KBTBD2: variants seen among roughly 807,000 people sequenced by gnomAD.
KBTBD2 encodes kelch repeat and BTB domain-containing protein 2.
KBTBD2 carries 17 observed loss-of-function variants against 57.1 expected under a neutral mutation model. The observed-to-expected ratio is 0.30, with a 90% confidence interval of 0.20 to 0.45. The LOEUF (loss-of-function observed/expected upper bound fraction) is 0.45. Among genes scored for constraint, KBTBD2 ranks in the 20% least tolerant of loss-of-function variants. The pLI is 1.00. For missense variants in KBTBD2, 515 were observed against 750.6 expected (o/e 0.69, Z 3.67); for synonymous variants, 267 against 262.7 (o/e 1.02, Z -0.16).
rs369016799 is a variant in KBTBD2 at position 32,875,115 on chromosome 7, A to C, written c.213T>G (p.His71Gln). The C allele has an allele frequency of 2.0e-5, 33 of 1,614,090 alleles. No homozygotes were observed. Among genetic ancestry groups the C allele is most frequent in the African/African-American group, 2.7e-5 (2 of 74,928 alleles). ...MSGLSESKQT[H>Q]VHLRNVDAAT... ...CAGCATCGACATTCCTCAGGTGTACATGGGTTTGTTTGCTTTCACTTAGTC... is the reference window on the plus strand; with the variant it reads ...CAGCATCGACATTCCTCAGGTGTACCTGGGTTTGTTTGCTTTCACTTAGTC... Residue 71 changes from histidine (H) to glutamine (Q), a missense_variant, in exon 3 of 4, where the codon CAT becomes CAG. By Grantham distance (24) the His-to-Gln change is conservative. Transcript: ENST00000304056.
intron 1 of KBTBD2, among the ~76,000 whole-genome samples, chr7:32,886,225 T>C (rs539459692): frequency 6.6e-6 from 1 of 152,292 alleles, no homozygotes; most frequent in African/African-American, 2.4e-5. Context: ...CCACTGACTT[T>C]CTACGAATTA....
intron 1 of KBTBD2, among the ~76,000 whole-genome samples, chr7:32,885,511 G>A (rs866089102): frequency 1.4e-5 from 2 of 146,794 alleles, no homozygotes; most frequent in Non-Finnish European, 3.0e-5. Flanking sequence ...AAGATAACCT[G>A]CCAAAAAAAA....
chr7:32,873,762 A>G (rs1784239356), intron 3 of KBTBD2, among the ~76,000 whole-genome samples: 1 of 152,156 alleles, frequency 6.6e-6, no homozygotes, highest in African/African-American at 2.4e-5. Flanking sequence ...ACTTGAAATC[A>G]AAATTCTCAG....
intron 3 of KBTBD2, among the ~76,000 whole-genome samples, chr7:32,873,817 C>A (rs1410554318): frequency 1.3e-5 from 2 of 152,174 alleles, no homozygotes; most frequent in Non-Finnish European, 2.9e-5. Context: ...AAAATTTTCA[C>A]CTATCTCTTT....
In KBTBD2 at chr7:32,879,733, T is replaced by G. The variant is rs1177365134; in HGVS notation, c.-129A>C. The G allele has an allele frequency of 1.5e-6, 1 of 688,272 alleles. No homozygotes were observed. Among genetic ancestry groups the G allele is most frequent in the African/African-American group, 1.8e-5 (1 of 55,122 alleles). 42.6% of individuals were successfully genotyped at this position (688,272 alleles called of 1,614,324 possible). A position where few individuals can be genotyped will look rare whatever the true frequency, so the allele number is the denominator to read the frequency against. ...TATCTGCAGCATTCAGTACCAAGAC[T>G]GACACATTCACTAATGAGTAATATC... On this transcript the variant is annotated 5_prime_UTR_variant, in exon 2 of 4. Transcript: ENST00000304056.
intron 3 of KBTBD2, 74 bp from the exon 4 acceptor site, chr7:32,870,954 A>G: frequency 2.3e-6 from 2 of 853,860 alleles, no homozygotes; most frequent in East Asian, 5.3e-5. Flanking sequence ...GTAAGACGTA[A>G]GTATATTAAT....
rs1283024793 is a variant in KBTBD2, at chr7:32,869,986, T to A, written c.1231A>T (p.Met411Leu). 2.5e-6 allele frequency: 4 copies of A among 1,614,060 alleles called. No individual in the cohort carries two copies. The highest frequency in any genetic ancestry group is 2.7e-5 in the African/African-American group (2 of 74,932). The change falls in exon 4 of 4, where the codon ATG becomes TTG. Residue 411 changes from methionine to leucine, a missense_variant. Coordinates refer to ENST00000304056, the MANE Select transcript of KBTBD2 (RefSeq NM_015483.3). ...RYDTEKDEWT[M>L]VSPLPCAWQW... ...CAAGCACAAGGTAAAGGGCTTACCATCGTCCACTCATCTTTCTCAGTGTCG... is the reference window on the plus strand; with the variant it reads ...CAAGCACAAGGTAAAGGGCTTACCAACGTCCACTCATCTTTCTCAGTGTCG...
At position 32,882,922 on chromosome 7, in the gene KBTBD2, T is replaced by C. The variant is rs1583786879; in HGVS notation, c.-338-2980A>G. Among the ~76,000 whole-genome samples, 4 of 151,898 alleles carry C rather than the reference T, an allele frequency of 2.6e-5. No homozygotes were observed. The South Asian group carries it at 8.3e-4, about 32-fold the overall frequency. On this transcript the variant is annotated intron_variant, in intron 1 of 3. Transcript: ENST00000304056. ...ATCACCTGAACCTGGCAGACGGAGG[T>C]TGCAGTGAGCCGAGATCGTGCCACT... is the stretch of plus-strand genomic sequence containing the variant.
Position 32,879,826 on chromosome 7 carries a change from CACAG to C in KBTBD2, c.-226_-223del, listed in dbSNP as rs1314570566. 2 of 451,672 alleles carry C rather than the reference CACAG, an allele frequency of 4.4e-6. No individual in the cohort carries two copies. Among genetic ancestry groups the C allele is most frequent in the Admixed American group, 8.7e-5 (2 of 22,976 alleles). The allele number at this position is 451,672 out of a possible 1,614,324, so 28.0% of individuals were successfully genotyped here. On this transcript the variant is annotated 5_prime_UTR_variant, in exon 2 of 4. The change abolishes the stop of an existing upstream ORF in the 5' untranslated region. Transcript: ENST00000304056. ...AATTAGGTTCTTCAGAGTTTTTCAA[CACAG>C]TCTGCAGACATTGTGCTCAAATCTG...
chr7:32,886,363 G>C (rs1194258914), intron 1 of KBTBD2, among the ~76,000 whole-genome samples: 3 of 152,198 alleles, frequency 2.0e-5, no homozygotes, highest in Non-Finnish European at 4.4e-5. Flanking sequence ...CCGAGGTTCT[G>C]AGTGAATTCC....
intron 1 of KBTBD2, among the ~76,000 whole-genome samples, chr7:32,888,610 A>G (rs780989222): frequency 6.6e-6 from 1 of 151,906 alleles, no homozygotes; most frequent in Non-Finnish European, 1.5e-5. Flanking sequence ...GAATCTATCA[A>G]GTTTTAAAAA....
chr7:32,883,418 CAA>C (rs1784491500), intron 1 of KBTBD2, among the ~76,000 whole-genome samples: 1 of 152,044 alleles, frequency 6.6e-6, no homozygotes, highest in South Asian at 2.1e-4. Flanking sequence ...TGAAAATTTG[CAA>C]AGTTTAGGAC....
At chr7:32,877,710 A>G (rs1467220763) in intron 2 of KBTBD2, among the ~76,000 whole-genome samples, 1 of 152,176 alleles carries the variant, frequency 6.6e-6, no homozygotes, top group Non-Finnish European at 1.5e-5. Flanking sequence ...TTCAACCCCA[A>G]ACACATATTG....
At position 32,875,068 on chromosome 7, in the gene KBTBD2, G is replaced by A; in HGVS notation, c.260C>T (p.Thr87Ile). 1 of 1,614,172 alleles carries A rather than the reference G, an allele frequency of 6.2e-7. No individual in the cohort carries two copies. The highest frequency in any genetic ancestry group is 8.5e-7 in the Non-Finnish European group (1 of 1,179,984). The stretch of plus-strand genomic sequence containing the variant: ...TGCCAAGTTACCCGTGTATGCATAA[G>A]TTATTATTATCTGTAAGGTGGCAGC... The part of the protein sequence containing the change: ...VDAATLQIII[T>I]YAYTGNLAMN... Residue 87 changes from threonine (T) to isoleucine (I), a missense_variant, in exon 3 of 4, where the codon ACT becomes ATT. Coordinates refer to ENST00000304056, the MANE Select transcript of KBTBD2 (RefSeq NM_015483.3).
Position 32,869,739 on chromosome 7 carries a change from T to C in KBTBD2, c.1478A>G (p.Asp493Gly), listed in dbSNP as rs1388561822. The change falls in exon 4 of 4, where the codon GAT (aspartate) becomes GGT (glycine). Residue 493 changes from aspartate (D) to glycine (G), a missense_variant. Physicochemically the swap from Asp to Gly is moderately conservative, Grantham distance 94. Transcript: ENST00000304056. ...AATTTCCACAGTTACTGAAGACCCATCTACAGTGCCAGAGGGGAGTCTTAT... is the reference window on the plus strand; with the variant it reads ...AATTTCCACAGTTACTGAAGACCCACCTACAGTGCCAGAGGGGAGTCTTAT... ...SGIRLPSGTV[D>G]GSSVTVEIYD... 3 of 1,614,054 alleles carry C rather than the reference T, an allele frequency of 1.9e-6. No homozygotes were observed. The highest frequency in any genetic ancestry group is 1.7e-5 in the Admixed American group (1 of 60,008).
rs1784156478 is a variant in KBTBD2 at position 32,870,804 on chromosome 7, C to T, written c.413G>A (p.Ser138Asn). The T allele has an allele frequency of 6.2e-7, 1 of 1,612,754 alleles. No homozygotes were observed. The highest frequency in any genetic ancestry group is 8.5e-7 in the Non-Finnish European group (1 of 1,179,738). ...INAENCVRLL[S>N]FADLFSCEEL... Reference sequence around the variant, plus strand: ...CTCACAACTGAAGAGATCAGCAAAACTCAACAATCGTACACAATTCTCTGC... The same window carrying T: ...CTCACAACTGAAGAGATCAGCAAAATTCAACAATCGTACACAATTCTCTGC... The change falls in exon 4 of 4, where the codon AGT (serine) becomes AAT (asparagine). Residue 138 changes from serine (S) to asparagine (N), a missense_variant. Ser to Asn is a conservative substitution (Grantham distance 46, BLOSUM62 1). Transcript: ENST00000304056.
intron 3 of KBTBD2, among the ~76,000 whole-genome samples, chr7:32,871,156 A>G (rs943248814): frequency 6.6e-6 from 1 of 152,198 alleles, no homozygotes; most frequent in Non-Finnish European, 1.5e-5. Flanking sequence ...AAACAGCCTT[A>G]AAGAATAGGT....
chr7:32,886,380 TAA>T (rs1042079694), intron 1 of KBTBD2, among the ~76,000 whole-genome samples: 26 of 152,298 alleles, frequency 1.7e-4, no homozygotes, highest in African/African-American at 5.3e-4. Context: ...TTCCAACACA[TAA>T]AAGTTTTGAA....
intron 1 of KBTBD2, among the ~76,000 whole-genome samples, chr7:32,886,470 G>C (rs889932612): frequency 2.0e-5 from 3 of 152,164 alleles, no homozygotes; most frequent in African/African-American, 7.2e-5. Flanking sequence ...TTAAAAATCT[G>C]AAACTCTTCC....
Sources: gnomAD v4.1 joint callset for allele counts (sites outside exome capture counted in the v4.1 genomes callset) on GRCh38, gnomAD v4.1.1 for gene constraint, MANE v1.5 for transcripts, NCBI Gene and HGNC (gene_info 2026-07-23, HGNC 2026-07-21) for gene names.